The following DLGAP1 variants were observed in gnomAD, a reference collection of about 807,000 sequenced individuals.
DLGAP1 encodes the protein disks large-associated protein 1.
In DLGAP1, 11 loss-of-function variants were observed where a neutral mutation model predicts 90.8. The observed-to-expected ratio is 0.12, with a 90% CI of 0.08 to 0.20. The LOEUF is 0.20. Among genes scored for constraint, DLGAP1 ranks in the 10% least tolerant of loss-of-function variants. DLGAP1 has a pLI of 1.00. For missense variants in DLGAP1, 1,050 were observed against 1,333.8 expected, an observed-to-expected ratio of 0.79 and a Z score of 3.31; for synonymous variants, 558 against 540.7, an observed-to-expected ratio of 1.03 and a Z score of -0.44.
At chr18:4,387,011 C>T (rs1042135008) in intron 1 of DLGAP1, among the ~76,000 whole-genome samples, 2 of 152,036 alleles carry the variant, frequency 1.3e-5, no homozygotes, top group Admixed American at 6.6e-5. Flanking sequence ...CTAAGTCACT[C>T]GCAATGAAAC....
chr18:4,429,239 T>C (rs981529304), intron 1 of DLGAP1, among the ~76,000 whole-genome samples: 1 of 152,196 alleles, frequency 6.6e-6, no homozygotes, highest in Admixed American at 6.5e-5. Flanking sequence ...TATCAATAAA[T>C]TGAACTTCAT....
At chr18:3,688,303 T>C (rs1456272391) in intron 7 of DLGAP1, among the ~76,000 whole-genome samples, 4 of 152,100 alleles carry the variant, frequency 2.6e-5, no homozygotes, top group Non-Finnish European at 4.4e-5. Flanking sequence ...TCTTGATTCA[T>C]ATGAAAGAAT....
chr18:4,385,174 T>C (rs1037183180), intron 1 of DLGAP1, among the ~76,000 whole-genome samples: 3 of 152,218 alleles, frequency 2.0e-5, no homozygotes, highest in African/African-American at 4.8e-5. Flanking sequence ...TCCCTTAATG[T>C]AGTCCTTAGA....
chr18:3,695,259 A>C (rs1198202283), intron 7 of DLGAP1, among the ~76,000 whole-genome samples: 1 of 151,998 alleles, frequency 6.6e-6, no homozygotes, highest in Non-Finnish European at 1.5e-5. Context: ...TTGGTGTTTT[A>C]GTCATGAAGT....
rs71368714 is a variant in DLGAP1 at position 3,869,154 on chromosome 18, G to GT, written c.957+9957dup. Among the ~76,000 whole-genome samples the GT allele has an allele frequency of 3.0e-3, 426 of 141,768 alleles. 2 individuals are homozygous for GT. Among genetic ancestry groups the GT allele is most frequent in the Admixed American group, 3.3e-3 (46 of 14,152 alleles). The allele number at this position is 141,768 out of a possible 152,430, so 93.0% of individuals were successfully genotyped here. A position where few individuals can be genotyped will look rare whatever the true frequency, so the allele number is the denominator to read the frequency against. ...GAAAACAAAAGCAAGTGTGTATTGC[G>GT]TTTTTTTTTTTTTTCCCTGTATGAA... On this transcript the variant is annotated intron_variant, in intron 4 of 12. Coordinates refer to ENST00000315677, the MANE Select transcript of DLGAP1 (RefSeq NM_004746.4).
In DLGAP1 at chr18:3,602,805, G is replaced by T. The variant is rs1599483865; in HGVS notation, c.1592-20557C>A. On this transcript the variant is annotated intron_variant, in intron 7 of 12. Coordinates refer to ENST00000315677, the MANE Select transcript of DLGAP1 (RefSeq NM_004746.4). ...TTTGGAGGGATTTCTAGCATCATAGGTCAAAGACGTTATTAAGTATCGACT... is the reference window on the plus strand; with the variant it reads ...TTTGGAGGGATTTCTAGCATCATAGTTCAAAGACGTTATTAAGTATCGACT... Among the ~76,000 whole-genome samples the T allele has an allele frequency of 2.6e-5, 4 of 152,060 alleles. No individual in the cohort carries two copies. In the South Asian group the frequency reaches 8.3e-4, roughly 31 times the overall value.
intron 1 of DLGAP1, among the ~76,000 whole-genome samples, chr18:4,348,420 G>A (rs897086411): frequency 1.1e-4 from 16 of 151,616 alleles, no homozygotes; most frequent in South Asian, 2.1e-4. Context: ...GTGTGTGTGT[G>A]TGTGTGTGTG....
At chr18:3,913,108 TTTTTG>T (rs950400020) in intron 3 of DLGAP1, among the ~76,000 whole-genome samples, 1 of 152,268 alleles carries the variant, frequency 6.6e-6, no homozygotes, top group East Asian at 1.9e-4. Flanking sequence ...GATACTTTGT[TTTTTG>T]TTTTGTTTTG....
intron 1 of DLGAP1, among the ~76,000 whole-genome samples, chr18:4,270,377 T>C (rs1256262607): frequency 6.6e-6 from 1 of 152,192 alleles, no homozygotes; most frequent in Non-Finnish European, 1.5e-5. Context: ...TGTGTCAATG[T>C]CTCTCCCACT....
At chr18:3,554,582 T>C (rs2053648466) in intron 9 of DLGAP1, among the ~76,000 whole-genome samples, 1 of 152,224 alleles carries the variant, frequency 6.6e-6, no homozygotes, top group African/African-American at 2.4e-5. Flanking sequence ...GCATTTGCGA[T>C]CCATGGCATT....
At chr18:4,408,910 ACT>A (rs1448722648) in intron 1 of DLGAP1, among the ~76,000 whole-genome samples, 1 of 151,984 alleles carries the variant, frequency 6.6e-6, no homozygotes, top group Non-Finnish European at 1.5e-5. Flanking sequence ...TCTAACCTAG[ACT>A]AGCAATTCCT....
chr18:4,381,795 A>G (rs1324127092), intron 1 of DLGAP1, among the ~76,000 whole-genome samples: 1 of 152,084 alleles, frequency 6.6e-6, no homozygotes, highest in East Asian at 1.9e-4. Flanking sequence ...TGCTTATTGT[A>G]TTAGTCTGTT....
At chr18:4,298,444 TA>T (rs2080037851) in intron 1 of DLGAP1, among the ~76,000 whole-genome samples, 1 of 152,108 alleles carries the variant, frequency 6.6e-6, no homozygotes, top group South Asian at 2.1e-4. Context: ...TATGCAGCCA[TA>T]AAAAATGATG....
intron 1 of DLGAP1, among the ~76,000 whole-genome samples, chr18:4,216,178 G>A (rs1458040814): frequency 2.0e-5 from 3 of 151,994 alleles, no homozygotes; most frequent in Non-Finnish European, 4.4e-5. Flanking sequence ...CAGCAACAAG[G>A]AGAAGTGCAG....
At chr18:4,335,157 A>C (rs1050084297) in intron 1 of DLGAP1, among the ~76,000 whole-genome samples, 3 of 151,986 alleles carry the variant, frequency 2.0e-5, no homozygotes, top group African/African-American at 7.3e-5. Context: ...CTGAGCAATA[A>C]ACAATTATCC....
chr18:3,977,752 C>A, intron 3 of DLGAP1: 1 of 350,352 alleles, frequency 2.9e-6, no homozygotes, highest in South Asian at 2.6e-5. Flanking sequence ...GAGGGCAATG[C>A]CCACCCCAGC....
Position 4,455,131 on chromosome 18 carries a change from C to T in DLGAP1, c.-392G>A, listed in dbSNP as rs2083942555. On this transcript the variant is annotated 5_prime_UTR_variant, in exon 1 of 13. Coordinates refer to ENST00000315677, the MANE Select transcript of DLGAP1 (RefSeq NM_004746.4). ...TCTCAGCGAGGTGACGGGAAGGACT[C>T]GAGAGAGGAGCCGAGGCGGCGGCGG... The T allele has an allele frequency of 6.6e-6, 1 of 151,832 alleles. No homozygotes were observed. Among genetic ancestry groups the T allele is most frequent in the African/African-American group, 2.4e-5 (1 of 41,394 alleles). 9.4% of individuals were successfully genotyped at this position (151,832 alleles called of 1,614,324 possible). A position where few individuals can be genotyped will look rare whatever the true frequency, so the allele number is the denominator to read the frequency against.
At chr18:3,861,451 C>T (rs1599034448) in intron 4 of DLGAP1, among the ~76,000 whole-genome samples, 1 of 152,120 alleles carries the variant, frequency 6.6e-6, no homozygotes, top group East Asian at 1.9e-4. Flanking sequence ...ATGATAAAGG[C>T]TAAGAACTTT....
At chr18:4,146,923 A>G (rs1475662255) in intron 2 of DLGAP1, among the ~76,000 whole-genome samples, 1 of 152,212 alleles carries the variant, frequency 6.6e-6, no homozygotes, top group African/African-American at 2.4e-5. Flanking sequence ...CATTGAGCCC[A>G]ATTTCTGGAA....
Sources: allele counts gnomAD v4.1 joint callset (sites outside exome capture counted in the v4.1 genomes callset), GRCh38; gene constraint gnomAD v4.1.1; transcripts MANE v1.5; gene names NCBI Gene and HGNC (gene_info 2026-07-23, HGNC 2026-07-21).